Variants in KLHL13 observed in about 807,000 individuals in gnomAD.
KLHL13 encodes the protein kelch like family member 13, also known as kelch-like protein 13.
Under a neutral mutation model 37.1 loss-of-function variants are expected in KLHL13, and 10 were observed. The ratio of observed to expected loss-of-function variants is 0.27; its 90% CI spans 0.17 to 0.46. KLHL13 has a LOEUF of 0.46. Among genes scored for constraint, KLHL13 ranks in the 20% least tolerant of loss-of-function variants. The probability of loss-of-function intolerance (pLI) is 1.00; values close to 1 mark genes in which losing one functional copy is unlikely to be tolerated. For missense variants in KLHL13, 360 were observed against 509.3 expected (o/e 0.71, Z 2.82); for synonymous variants, 163 against 181.2 (o/e 0.90, Z 0.81).
intron 1 of KLHL13, among the ~76,000 whole-genome samples, chrX:117,959,433 G>T: frequency 8.9e-6 from 1 of 112,163 alleles, no homozygotes; most frequent in Non-Finnish European, 1.9e-5. Context: ...TTAAGAACAT[G>T]TTTCACTGTC....
chrX:117,930,586 A>G (rs1216802115), intron 2 of KLHL13, among the ~76,000 whole-genome samples: 1 of 111,947 alleles, frequency 8.9e-6, no homozygotes, highest in Non-Finnish European at 1.9e-5. Flanking sequence ...TCACTTCGAC[A>G]CTAGCAAATA....
Position 118,043,667 on chromosome X carries a change from G to C in KLHL13, c.-56+72841C>G, listed in dbSNP as rs1490329028. Among the ~76,000 whole-genome samples, 3 of 111,682 alleles carry C rather than the reference G, an allele frequency of 2.7e-5. No homozygotes were observed. The Admixed American group carries it at 2.9e-4, about 11-fold the overall frequency. ...GATCATTTCAATTGATAATGAAAAA[G>C]TATTTGATAAAATTCAACATCGCTT... On this transcript the variant is annotated intron_variant, in intron 1 of 6. Transcript: ENST00000371882.
intron 2 of KLHL13, among the ~76,000 whole-genome samples, chrX:117,940,125 G>A (rs1332803139): frequency 8.9e-6 from 1 of 111,842 alleles, no homozygotes; most frequent in Non-Finnish European, 1.9e-5. Flanking sequence ...TGTATAAGGT[G>A]TAAGGAAGGG....
intron 1 of KLHL13, among the ~76,000 whole-genome samples, chrX:118,110,171 C>T (rs996199725): frequency 9.1e-6 from 1 of 110,392 alleles, no homozygotes; most frequent in African/African-American, 3.3e-5. Context: ...ATATCATGGA[C>T]GCTAAGAAGA....
chrX:118,048,149 A>G (rs1382351395), intron 1 of KLHL13, among the ~76,000 whole-genome samples: 1 of 111,683 alleles, frequency 9.0e-6, no homozygotes, highest in African/African-American at 3.3e-5. Context: ...AATAGAGAGT[A>G]GAGAAATGGG....
intron 1 of KLHL13, among the ~76,000 whole-genome samples, chrX:118,080,883 G>A (rs2054984798): frequency 9.0e-6 from 1 of 111,648 alleles, no homozygotes. Context: ...ATGGTGGACT[G>A]GATAAAGAAA....
exon 7 of KLHL13, chrX:117,898,793 T>C: frequency 1.2e-6 from 1 of 817,475 alleles, no homozygotes; most frequent in Non-Finnish European, 1.7e-6. Context: ...TTCCAATATC[T>C]GTATCAATTA....
intron 1 of KLHL13, among the ~76,000 whole-genome samples, chrX:118,032,639 G>GA (rs1264915108): frequency 2.7e-5 from 3 of 111,611 alleles, no homozygotes; most frequent in African/African-American, 9.9e-5. Flanking sequence ...CAAAGATGGG[G>GA]AAAAAACAGA....
At chrX:118,069,278 T>C (rs1395898513) in intron 1 of KLHL13, among the ~76,000 whole-genome samples, 1 of 110,159 alleles carries the variant, frequency 9.1e-6, no homozygotes, top group Non-Finnish European at 1.9e-5. Context: ...GACAGCTCCA[T>C]GCACGTTATT....
intron 1 of KLHL13, among the ~76,000 whole-genome samples, chrX:118,018,236 C>T (rs2054150264): frequency 9.0e-6 from 1 of 111,273 alleles, no homozygotes; most frequent in Admixed American, 9.6e-5. Context: ...ATATTTCCAC[C>T]TACCTTATTA....
At chrX:117,920,739 C>T (rs916133489) in intron 2 of KLHL13, among the ~76,000 whole-genome samples, 2 of 111,543 alleles carry the variant, frequency 1.8e-5, no homozygotes, top group Admixed American at 9.5e-5. Flanking sequence ...TTCCTTTTCG[C>T]GATAATTTAA....
chrX:117,947,213 G>A lies in KLHL13; in HGVS notation c.99-1638C>T, dbSNP rs1471949796. The A allele has an allele frequency of 5.4e-5, 6 of 111,788 alleles. No individual in the cohort carries two copies. The Admixed American group carries it at 5.7e-4, about 11-fold the overall frequency. 9.2% of individuals were successfully genotyped at this position (111,788 alleles called of 1,213,427 possible). ...CAATTGGAAAAGTCAGAAATTGATT[G>A]ATGGTGACTGTTATCCCTAACCAGA... On this transcript the variant is annotated intron_variant, in intron 1 of 6. Coordinates refer to ENST00000262820, the Ensembl canonical transcript of KLHL13.
At chrX:117,915,679 A>G (rs1931299570) in intron 4 of KLHL13, among the ~76,000 whole-genome samples, 1 of 112,252 alleles carries the variant, frequency 8.9e-6, no homozygotes, top group South Asian at 3.7e-4. Context: ...ATATTTGTAT[A>G]TTTAAATTGT....
chrX:118,096,526 C>A (rs764484731), intron 1 of KLHL13, among the ~76,000 whole-genome samples: 1 of 111,648 alleles, frequency 9.0e-6, no homozygotes, highest in Non-Finnish European at 1.9e-5. Context: ...ACCATTCCTT[C>A]CGAAACTATT....
chrX:118,087,152 A>G (rs2055063680), intron 1 of KLHL13, among the ~76,000 whole-genome samples: 1 of 110,990 alleles, frequency 9.0e-6, no homozygotes. Context: ...TCAAAGTTCA[A>G]AGGGAACTTT....
intron 1 of KLHL13, among the ~76,000 whole-genome samples, chrX:117,995,554 T>C (rs1336017594): frequency 9.0e-6 from 1 of 111,599 alleles, no homozygotes; most frequent in Non-Finnish European, 1.9e-5. Context: ...TTCAGTGGCA[T>C]TCAGTGCATT....
intron 1 of KLHL13, among the ~76,000 whole-genome samples, chrX:118,044,254 T>C (rs759242527): frequency 9.0e-6 from 1 of 111,303 alleles, no homozygotes; most frequent in African/African-American, 3.3e-5. Flanking sequence ...TGGAAAGATA[T>C]TTCATCTTCA....
intron 1 of KLHL13, among the ~76,000 whole-genome samples, chrX:118,085,119 A>G (rs1384525039): frequency 3.6e-5 from 4 of 111,365 alleles, no homozygotes; most frequent in Non-Finnish European, 7.5e-5. Context: ...TAAAAAGTGA[A>G]AATAACCCAA....
At chrX:118,021,335 AC>A (rs1395042229) in intron 1 of KLHL13, among the ~76,000 whole-genome samples, 1 of 103,920 alleles carries the variant, frequency 9.6e-6, no homozygotes, top group Non-Finnish European at 2.0e-5. Context: ...GGTTTGCTGC[AC>A]CCATCAACTC....
Sources: allele counts gnomAD v4.1 joint callset (sites outside exome capture counted in the v4.1 genomes callset), GRCh38; gene constraint gnomAD v4.1.1; transcripts MANE v1.5; gene names NCBI Gene and HGNC (gene_info 2026-07-23, HGNC 2026-07-21).